DDR2: variants seen among roughly 807,000 people sequenced by gnomAD.
DDR2 encodes discoidin domain-containing receptor 2.
DDR2 carries 27 observed loss-of-function variants against 94.9 expected under a neutral mutation model. That is an observed-to-expected ratio of 0.28 (90% CI 0.21 to 0.39). The LOEUF (loss-of-function observed/expected upper bound fraction) is 0.39. DDR2 is among the 10% of genes least tolerant of loss of function. The pLI, the probability that DDR2 is intolerant of heterozygous loss-of-function variation, is 1.00. For synonymous variants in DDR2, 382 were observed against 377.2 expected, an observed-to-expected ratio of 1.01 and a Z score of -0.15; for missense variants, 783 against 1,076.0, an observed-to-expected ratio of 0.73 and a Z score of 3.81.
chr1:162,722,032 A>G (rs541716998), intron 3 of DDR2, among the ~76,000 whole-genome samples: 35 of 152,350 alleles, frequency 2.3e-4, no homozygotes, highest in African/African-American at 7.9e-4. Context: ...GATATGAAAT[A>G]TCAATCTTGG....
intron 2 of DDR2, among the ~76,000 whole-genome samples, chr1:162,688,185 C>T (rs1294323576): frequency 1.3e-5 from 2 of 152,164 alleles, no homozygotes; most frequent in African/African-American, 2.4e-5. Context: ...TGACATGTCT[C>T]CAGTACAAGC....
At chr1:162,687,412 C>T (rs892526136) in intron 2 of DDR2, among the ~76,000 whole-genome samples, 5 of 152,184 alleles carry the variant, frequency 3.3e-5, no homozygotes, top group African/African-American at 7.2e-5. Context: ...CCCATAGCAA[C>T]GTTGAGAGCT....
chr1:162,654,846 T>C (rs1263353446), intron 1 of DDR2, among the ~76,000 whole-genome samples: 8 of 152,166 alleles, frequency 5.3e-5, no homozygotes. Flanking sequence ...AAGCCAAATA[T>C]TTAAGAGATT....
In DDR2 at chr1:162,770,371, A is replaced by G. The variant is rs1284506603; in HGVS notation, c.1363A>G (p.Asn455Asp). ...CCTGCCAAGTGATTCTAGCATGTTC[A>G]ACAATAACCGCTCCTCATCACCTAG... ...LSLPSDSSMF[N>D]NNRSSSPSEQ... Residue 455 changes from asparagine (N) to aspartate (D), a missense_variant, in exon 12 of 18, where the codon AAC becomes GAC. This residue lies in a region of DDR2 where 519 missense variants were observed against 647.9 expected (regional missense o/e 0.80). Transcript: ENST00000367921. 22 of 1,613,984 alleles carry G rather than the reference A, an allele frequency of 1.4e-5. No individual in the cohort carries two copies. The highest frequency in any genetic ancestry group is 1.9e-5 in the Non-Finnish European group (22 of 1,180,034).
intron 6 of DDR2, 84 bp from the exon 7 acceptor site, chr1:162,755,580 A>G (rs1330264238): frequency 1.5e-6 from 2 of 1,338,028 alleles, no homozygotes; most frequent in Middle Eastern, 2.0e-4. Flanking sequence ...ACGCTGTGCA[A>G]GCTTATACCC....
At chr1:162,716,548 T>G (rs1479328938) in intron 2 of DDR2, among the ~76,000 whole-genome samples, 1 of 152,212 alleles carries the variant, frequency 6.6e-6, no homozygotes. Context: ...AGACATGTAT[T>G]TTATCTTATC....
At chr1:162,751,341 T>C (rs566860330) in intron 3 of DDR2, among the ~76,000 whole-genome samples, 1 of 152,128 alleles carries the variant, frequency 6.6e-6, no homozygotes, top group Non-Finnish European at 1.5e-5. Flanking sequence ...GCAAAGAATA[T>C]GAATAGAAAT....
chr1:162,727,700 A>G (rs1188286532), intron 3 of DDR2, among the ~76,000 whole-genome samples: 1 of 147,990 alleles, frequency 6.8e-6, no homozygotes. Context: ...GATTATCACT[A>G]CACCAGAGAC....
At chr1:162,655,501 A>G (rs1657911531) in intron 2 of DDR2, 127 bp downstream of exon 2, 1 of 152,236 alleles carries the variant, frequency 6.6e-6, no homozygotes, top group Non-Finnish European at 1.5e-5. Flanking sequence ...TTCTGTGCCT[A>G]GAGCTGCTAT....
intron 2 of DDR2, among the ~76,000 whole-genome samples, chr1:162,683,254 C>T (rs1476274976): frequency 6.6e-6 from 1 of 152,126 alleles, no homozygotes; most frequent in African/African-American, 2.4e-5. Flanking sequence ...AATGTTTTCT[C>T]CCTAAGACAG....
intron 1 of DDR2, among the ~76,000 whole-genome samples, chr1:162,640,879 C>T (rs927370541): frequency 6.6e-6 from 1 of 150,678 alleles, no homozygotes; most frequent in Non-Finnish European, 1.5e-5. Flanking sequence ...CACCTCAGCC[C>T]CTCGACTAGC....
intron 1 of DDR2, among the ~76,000 whole-genome samples, chr1:162,651,508 C>T (rs1480220974): frequency 6.6e-6 from 1 of 152,178 alleles, no homozygotes; most frequent in African/African-American, 2.4e-5. Flanking sequence ...CTTCTTTTAG[C>T]ACCTTGTTCT....
At chr1:162,694,670 T>C (rs16843505) in intron 2 of DDR2, among the ~76,000 whole-genome samples, 8,066 of 152,234 alleles carry the variant, frequency 0.053, 346 homozygotes, top group East Asian at 0.19. Flanking sequence ...TAGCAAAGTT[T>C]CTGATGTTTA....
At chr1:162,741,737 T>C (rs1448102047) in intron 3 of DDR2, 1 of 985,260 alleles carries the variant, frequency 1.0e-6, no homozygotes, top group African/African-American at 1.7e-5. Context: ...ACATTATTAG[T>C]AGCTGGGCTT....
chr1:162,775,629 A>T (rs1425987884), intron 14 of DDR2, 23 bp from the exon 15 acceptor site: 1 of 1,613,400 alleles, frequency 6.2e-7, no homozygotes, highest in Non-Finnish European at 8.5e-7. Flanking sequence ...TTCTGAGTTT[A>T]TCTATGTCTG....
intron 1 of DDR2, among the ~76,000 whole-genome samples, chr1:162,649,673 G>C (rs1376732421): frequency 6.6e-6 from 1 of 152,182 alleles, no homozygotes; most frequent in African/African-American, 2.4e-5. Flanking sequence ...AATAAGATAC[G>C]GTCTGAACCC....
In DDR2 at chr1:162,778,639, C is replaced by A. The variant is rs769024047; in HGVS notation, c.2343C>A (p.Phe781Leu). Reference sequence around the variant, plus strand: ...TTGGGGTTACTTTGTGGGAGACTTTCACCTTTTGTCAAGAACAGCCCTATT... The same window carrying A: ...TTGGGGTTACTTTGTGGGAGACTTTAACCTTTTGTCAAGAACAGCCCTATT... The part of the protein sequence containing the change: ...WAFGVTLWET[F>L]TFCQEQPYSQ... The change falls in exon 17 of 18, where the codon TTC (phenylalanine) becomes TTA (leucine). Residue 781 changes from phenylalanine to leucine, a missense_variant. Phe to Leu is a conservative substitution (Grantham distance 22). Transcript: ENST00000367921. 1.2e-5 allele frequency: 19 copies of A among 1,614,042 alleles called. No individual in the cohort carries two copies. The highest frequency in any genetic ancestry group is 3.3e-4 in the Middle Eastern group (2 of 6,062).
At chr1:162,736,315 T>A (rs1662293775) in intron 3 of DDR2, among the ~76,000 whole-genome samples, 1 of 152,208 alleles carries the variant, frequency 6.6e-6, no homozygotes, top group Non-Finnish European at 1.5e-5. Context: ...GCTTTCCACA[T>A]GAAGAAACAG....
chr1:162,665,960 C>T (rs1367588516), intron 2 of DDR2, among the ~76,000 whole-genome samples: 2 of 152,116 alleles, frequency 1.3e-5, no homozygotes, highest in African/African-American at 2.4e-5. Context: ...CTAACATGAC[C>T]AGAGCCCTTT....
Sources: allele counts gnomAD v4.1 joint callset (sites outside exome capture counted in the v4.1 genomes callset), GRCh38; gene constraint gnomAD v4.1.1; regional missense constraint gnomAD v4.1.1; transcripts MANE v1.5; gene names NCBI Gene and HGNC (gene_info 2026-07-23, HGNC 2026-07-21).